The following INAVA variants were observed in gnomAD, a reference collection of about 807,000 sequenced individuals.
INAVA encodes innate immunity activator.
INAVA carries 32 observed loss-of-function variants against 55.3 expected under a neutral mutation model. The ratio of observed to expected loss-of-function variants is 0.58; its 90% CI spans 0.44 to 0.78. INAVA has a LOEUF of 0.78. Ranked by LOEUF, INAVA falls within the 30% of genes least tolerant of loss-of-function variation. The pLI, the probability that INAVA is intolerant of heterozygous loss-of-function variation, is 0.00. For synonymous variants in INAVA, 294 were observed against 329.4 expected, an observed-to-expected ratio of 0.89 and a Z score of 1.16; for missense variants, 756 against 786.4, an observed-to-expected ratio of 0.96 and a Z score of 0.46.
In INAVA at chr1:200,908,968, CAGGGCAGGGCAGGG is replaced by C. The variant is rs772269379; in HGVS notation, c.785+31_785+44del. The C allele has an allele frequency of 1.9e-6, 3 of 1,589,306 alleles. No individual in the cohort carries two copies. The Admixed American group carries it at 5.4e-5, about 28-fold the overall frequency. Reference sequence around the variant, plus strand: ...CAGGATCAGGGGGAAGGGAGAAGGGCAGGGCAGGGCAGGGAGTCGGTGGGAGCTATGCTGGGGAT... The same window carrying C: ...CAGGATCAGGGGGAAGGGAGAAGGGCAGTCGGTGGGAGCTATGCTGGGGAT... On this transcript the variant is annotated intron_variant, in intron 7 of 9. Transcript: ENST00000413687.
chr1:200,896,835 G>C (rs1668361846), intron 1 of INAVA, among the ~76,000 whole-genome samples: 1 of 152,234 alleles, frequency 6.6e-6, no homozygotes, highest in Non-Finnish European at 1.5e-5. Flanking sequence ...TGCCTGAGGA[G>C]GGGTGGAGCT....
chr1:200,898,949 A>G lies in INAVA; in HGVS notation c.55+494A>G, dbSNP rs1653088191. 2.0e-5 allele frequency among the ~76,000 whole-genome samples: 3 copies of G among 152,308 alleles called. No individual in the cohort carries two copies. In the South Asian group the frequency reaches 6.2e-4, roughly 32 times the overall value. ...AGCCGAGATCGCGGCATTGCACTCC[A>G]GCCTGGGCGACAGGGCAAGACTCCG... On this transcript the variant is annotated intron_variant, in intron 2 of 9. Coordinates refer to ENST00000413687, the MANE Select transcript of INAVA (RefSeq NM_001142569.3).
At chr1:200,912,968 CCA>C (rs1206674311) in intron 9 of INAVA, among the ~76,000 whole-genome samples, 1 of 152,120 alleles carries the variant, frequency 6.6e-6, no homozygotes, top group Admixed American at 6.6e-5. Context: ...AAGTGGGGAG[CCA>C]CACACAGGAA....
intron 2 of INAVA, among the ~76,000 whole-genome samples, chr1:200,898,915 G>C (rs1465035024): frequency 6.6e-6 from 1 of 152,140 alleles, no homozygotes; most frequent in Non-Finnish European, 1.5e-5. Flanking sequence ...GGAGGCGGAG[G>C]TTGCAGTGAG....
upstream of INAVA, among the ~76,000 whole-genome samples, chr1:200,892,231 C>G (rs1173507315): frequency 6.6e-6 from 1 of 152,180 alleles, no homozygotes; most frequent in African/African-American, 2.4e-5. Flanking sequence ...TTCACTTCTT[C>G]CTTTTTTCAC....
intron 5 of INAVA, among the ~76,000 whole-genome samples, chr1:200,907,384 A>T (rs1653535883): frequency 6.6e-6 from 1 of 152,090 alleles, no homozygotes; most frequent in Non-Finnish European, 1.5e-5. Flanking sequence ...GGCCAGGCAC[A>T]GTGGCTCATG....
intron 2 of INAVA, 62 bp from the exon 3 acceptor site, chr1:200,899,411 T>C: frequency 1.2e-6 from 2 of 1,606,294 alleles, no homozygotes; most frequent in South Asian, 2.2e-5. Flanking sequence ...GGGTGGTCAA[T>C]AAGTAACGGA....
intron 1 of INAVA, 32 bp from the exon 2 acceptor site, chr1:200,898,274 CT>C (rs1312511145): frequency 1.2e-5 from 19 of 1,601,110 alleles, no homozygotes; most frequent in Admixed American, 1.7e-5. Flanking sequence ...TCATATCTAG[CT>C]TTTTTGTTAT....
chr1:200,908,732 G>A lies in INAVA; in HGVS notation c.577G>A (p.Glu193Lys), dbSNP rs1226162337. 6.4e-7 allele frequency: 1 copy of A among 1,564,822 alleles called. No homozygotes were observed. Among genetic ancestry groups the A allele is most frequent in the Non-Finnish European group, 8.6e-7 (1 of 1,157,060 alleles). The change falls in exon 7 of 10, where the codon GAA becomes AAA. Residue 193 changes from glutamate to lysine, a missense_variant and splice_region_variant. This residue lies in a region of INAVA where 639 missense variants were observed against 624.3 expected (regional missense o/e 1.02). Coordinates refer to ENST00000413687, the MANE Select transcript of INAVA (RefSeq NM_001142569.3). ...LSDGLLLEEE[E>K]SQVPKPPPES... Reference sequence around the variant, plus strand: ...CCAGGTTTCTTTTACTCCTGCAGAGGAATCCCAAGTGCCAAAACCTCCTCC... The same window carrying A: ...CCAGGTTTCTTTTACTCCTGCAGAGAAATCCCAAGTGCCAAAACCTCCTCC...
intron 8 of INAVA, among the ~76,000 whole-genome samples, chr1:200,911,042 G>C (rs201575585): frequency 4.8e-5 from 6 of 125,362 alleles, no homozygotes; most frequent in Non-Finnish European, 1.1e-4. Flanking sequence ...AAAAAAAGTA[G>C]TTAATGTAGT....
chr1:200,897,959 G>A (rs1653016608), intron 1 of INAVA, among the ~76,000 whole-genome samples: 1 of 151,954 alleles, frequency 6.6e-6, no homozygotes, highest in Non-Finnish European at 1.5e-5. Context: ...CCCATTTTTT[G>A]TCCCCTTCCT....
intron 5 of INAVA, among the ~76,000 whole-genome samples, chr1:200,901,829 C>T (rs184813210): frequency 2.6e-5 from 4 of 152,308 alleles, no homozygotes; most frequent in Admixed American, 2.0e-4. Flanking sequence ...GGCCCAGAGA[C>T]TAGTGGCCGT....
At chr1:200,900,303 G>T in intron 4 of INAVA, 83 bp downstream of exon 4, 1 of 1,266,340 alleles carries the variant, frequency 7.9e-7, no homozygotes, top group Non-Finnish European at 1.1e-6. Context: ...CAGTACCCTG[G>T]CAGGTTCCCT....
intron 1 of INAVA, among the ~76,000 whole-genome samples, chr1:200,896,706 C>G (rs747359975): frequency 1.3e-4 from 20 of 152,248 alleles, no homozygotes; most frequent in Non-Finnish European, 2.5e-4. Context: ...TCGTCCTGCT[C>G]TTATCATCTT....
chr1:200,893,928 G>A (rs922765206), upstream of INAVA, among the ~76,000 whole-genome samples: 1 of 151,848 alleles, frequency 6.6e-6, no homozygotes, highest in Non-Finnish European at 1.5e-5. Context: ...AATCTGGGTC[G>A]GGGGAATGGT....
At chr1:200,913,485 C>T in intron 9 of INAVA, 52 bp from the exon 10 acceptor site, 2 of 1,459,756 alleles carry the variant, frequency 1.4e-6, no homozygotes, top group South Asian at 2.3e-5. Flanking sequence ...GCTGTCCCCG[C>T]TTTTCTGCCT....
chr1:200,895,473 G>C (rs1668326946), intron 1 of INAVA, among the ~76,000 whole-genome samples: 1 of 151,988 alleles, frequency 6.6e-6, no homozygotes, highest in Non-Finnish European at 1.5e-5. Context: ...GTTCAGCCGG[G>C]TGGGCTGCTT....
rs1242727946 is a variant in INAVA, at chr1:200,912,142, G to A, written c.1644+5G>A. The A allele has an allele frequency of 2.4e-5, 37 of 1,544,972 alleles. No homozygotes were observed. The highest frequency in any genetic ancestry group is 3.1e-5 in the Non-Finnish European group (36 of 1,145,334). ...GCCCTGGGACCCCGGGCACAGGTAC[G>A]GCTGCTCTGGAGGGACCCCGGGGCC... On this transcript the variant is annotated splice_donor_5th_base_variant and intron_variant, in intron 9 of 9. Transcript: ENST00000413687.
chr1:200,900,977 T>A lies in INAVA; in HGVS notation c.338T>A (p.Leu113Gln). Residue 113 changes from leucine (L) to glutamine (Q), a missense_variant, in exon 5 of 10, where the codon CTG becomes CAG. By Grantham distance (113) the Leu-to-Gln change is moderately radical. This residue lies in a region of INAVA where 639 missense variants were observed against 624.3 expected (regional missense o/e 1.02). Coordinates refer to ENST00000413687, the MANE Select transcript of INAVA (RefSeq NM_001142569.3). Reference protein sequence around the residue: ...SSLERQLALQLQITEAARRLC... With the variant: ...SSLERQLALQQQITEAARRLC... Reference sequence around the variant, plus strand: ...CTGGAGCGCCAGCTGGCCCTGCAGCTGCAGATCACAGAGGCAGCCCGTCGG... The same window carrying A: ...CTGGAGCGCCAGCTGGCCCTGCAGCAGCAGATCACAGAGGCAGCCCGTCGG... 1 of 1,556,436 alleles carries A rather than the reference T, an allele frequency of 6.4e-7. No individual in the cohort carries two copies. Among genetic ancestry groups the A allele is most frequent in the Non-Finnish European group, 8.7e-7 (1 of 1,149,662 alleles).
Sources: gnomAD v4.1 joint callset for allele counts (sites outside exome capture counted in the v4.1 genomes callset) on GRCh38, gnomAD v4.1.1 for gene constraint, gnomAD v4.1.1 regional missense constraint, MANE v1.5 for transcripts, NCBI Gene and HGNC (gene_info 2026-07-23, HGNC 2026-07-21) for gene names.